The following ASAP1 variants were observed in gnomAD, a reference collection of about 807,000 sequenced individuals.
ASAP1 encodes arf-GAP with SH3 domain, ANK repeat and PH domain-containing protein 1.
A neutral mutation model predicts 145.2 loss-of-function variants in ASAP1; 43 were observed. That is an observed-to-expected ratio of 0.30 (90% CI 0.23 to 0.38). ASAP1 has a LOEUF of 0.38. ASAP1 is among the 10% of genes least tolerant of loss of function. The pLI, the probability that ASAP1 is intolerant of heterozygous loss-of-function variation, is 1.00. For missense variants in ASAP1, 1,018 were observed against 1,355.3 expected (o/e 0.75, Z 3.91); for synonymous variants, 546 against 515.5 (o/e 1.06, Z -0.80).
At chr8:130,061,663 G>C (rs987016080) in intron 27 of ASAP1, among the ~76,000 whole-genome samples, 1 of 152,006 alleles carries the variant, frequency 6.6e-6, no homozygotes, top group African/African-American at 2.4e-5. Flanking sequence ...CCCCTGTCTC[G>C]GGTTAACCTC....
At chr8:130,347,373 G>T (rs1825758261) in intron 3 of ASAP1, among the ~76,000 whole-genome samples, 2 of 152,212 alleles carry the variant, frequency 1.3e-5, no homozygotes, top group African/African-American at 4.8e-5. Context: ...GCAGAGGGAA[G>T]GGCAGAGAAA....
intron 3 of ASAP1, among the ~76,000 whole-genome samples, chr8:130,314,809 T>C (rs1441806979): frequency 1.3e-5 from 2 of 152,246 alleles, no homozygotes; most frequent in African/African-American, 4.8e-5. Flanking sequence ...GGTCGGGATG[T>C]GCAGACAACT....
intron 11 of ASAP1, among the ~76,000 whole-genome samples, chr8:130,161,928 GTA>G (rs2097670000): frequency 6.6e-6 from 1 of 152,144 alleles, no homozygotes; most frequent in Non-Finnish European, 1.5e-5. Flanking sequence ...AGCCTTCTGA[GTA>G]GCTGGGACTA....
chr8:130,420,668 C>T lies in ASAP1; in HGVS notation c.-27-18698G>A, dbSNP rs542311345. On this transcript the variant is annotated intron_variant, in intron 1 of 29. Transcript: ENST00000518721. ...CAGCACTGTGGGAGGCCGAGGCAGA[C>T]GGATCACCTGAGGTCAGGAGTTCGA... 6.0e-4 allele frequency among the ~76,000 whole-genome samples: 91 copies of T among 152,034 alleles called. 3 individuals carry two copies. In the East Asian group the frequency reaches 0.015, roughly 25 times the overall value.
intron 14 of ASAP1, 58 bp from the exon 15 acceptor site, chr8:130,134,402 A>G (rs540038857): frequency 1.8e-6 from 2 of 1,136,034 alleles, no homozygotes; most frequent in South Asian, 3.2e-5. Context: ...ACTTTCAGGT[A>G]CAACACAGAT....
chr8:130,264,722 T>A (rs551907172), intron 3 of ASAP1, among the ~76,000 whole-genome samples: 1 of 152,146 alleles, frequency 6.6e-6, no homozygotes, highest in Non-Finnish European at 1.5e-5. Context: ...AATATGAACA[T>A]GAGAAAGGGT....
chr8:130,413,490 A>G (rs1829350719), intron 1 of ASAP1, among the ~76,000 whole-genome samples: 1 of 152,234 alleles, frequency 6.6e-6, no homozygotes, highest in Admixed American at 6.5e-5. Context: ...CAACACTGCT[A>G]TGATATCAAT....
intron 2 of ASAP1, among the ~76,000 whole-genome samples, chr8:130,396,473 T>A (rs1828536372): frequency 1.3e-5 from 2 of 152,222 alleles, no homozygotes; most frequent in South Asian, 4.1e-4. Flanking sequence ...TTAACTGAAG[T>A]ATAGTCAATG....
At chr8:130,066,269 G>A (rs558909985) in intron 27 of ASAP1, among the ~76,000 whole-genome samples, 9 of 152,212 alleles carry the variant, frequency 5.9e-5, no homozygotes, top group Non-Finnish European at 8.8e-5. Flanking sequence ...TAGGGGCAGA[G>A]CCAATCACCC....
At chr8:130,190,735 C>T (rs1815080194) in intron 5 of ASAP1, among the ~76,000 whole-genome samples, 1 of 152,150 alleles carries the variant, frequency 6.6e-6, no homozygotes, top group African/African-American at 2.4e-5. Context: ...TCATGCTGGT[C>T]TCAAACTCCT....
chr8:130,358,650 C>G lies in ASAP1; in HGVS notation c.60-507G>C, dbSNP rs1179792149. 6.8e-6 allele frequency among the ~76,000 whole-genome samples: 1 copy of G among 146,868 alleles called. No homozygotes were observed. The highest frequency in any genetic ancestry group is 2.0e-4 in the East Asian group (1 of 5,048). ...GCGGGCGGCGCTCGCGCTGCAGTCA[C>G]GGGGCCAAACAAGGAAGTGCTCTGC... On this transcript the variant is annotated intron_variant, in intron 2 of 29. Coordinates refer to ENST00000518721, the MANE Select transcript of ASAP1 (RefSeq NM_018482.4). This position sits in a 1 kb window ranked among gnomAD's most constrained non-coding sequence, Gnocchi z 4.1.
chr8:130,087,600 G>C (rs1163675380), intron 25 of ASAP1, among the ~76,000 whole-genome samples: 2 of 152,178 alleles, frequency 1.3e-5, no homozygotes, highest in Admixed American at 1.3e-4. Context: ...GAGGGGTCAT[G>C]GGAGTGATGC....
At chr8:130,150,204 A>C (rs2097642789) in intron 13 of ASAP1, among the ~76,000 whole-genome samples, 1 of 152,216 alleles carries the variant, frequency 6.6e-6, no homozygotes, top group African/African-American at 2.4e-5. Context: ...GCCACAGTCC[A>C]TTATCTTAGC....
At chr8:130,202,868 T>C (rs1455689976) in intron 5 of ASAP1, among the ~76,000 whole-genome samples, 2 of 152,286 alleles carry the variant, frequency 1.3e-5, no homozygotes, top group African/African-American at 2.4e-5. Context: ...AATATGTCAA[T>C]GAAAAGATCC....
At chr8:130,344,766 A>C (rs1268536224) in intron 3 of ASAP1, among the ~76,000 whole-genome samples, 1 of 152,060 alleles carries the variant, frequency 6.6e-6, no homozygotes, top group Non-Finnish European at 1.5e-5. Context: ...AACAAACAAA[A>C]AACAACAAAG....
chr8:130,374,520 G>A lies in ASAP1; in HGVS notation c.60-16377C>T, dbSNP rs184251557. On this transcript the variant is annotated intron_variant, in intron 2 of 29. Coordinates refer to ENST00000518721, the MANE Select transcript of ASAP1 (RefSeq NM_018482.4). ...GCCTGTAATCCCAGCACTTTGGGAG[G>A]CCGAGGCATTTAGTTAGGGTCAAGC... is the stretch of plus-strand genomic sequence containing the variant. Among the ~76,000 whole-genome samples, 373 of 152,348 alleles carry A rather than the reference G, an allele frequency of 2.4e-3. 1 individual carries two copies. Among genetic ancestry groups the A allele is most frequent in the Middle Eastern group, 6.8e-3 (2 of 294 alleles).
intron 5 of ASAP1, 137 bp from the exon 6 acceptor site, chr8:130,188,320 C>T (rs1481038607): frequency 1.5e-6 from 1 of 683,050 alleles, no homozygotes; most frequent in East Asian, 2.6e-5. Flanking sequence ...TTCATTGAAC[C>T]TACATGACAC....
chr8:130,322,544 A>C (rs572070796), intron 3 of ASAP1, among the ~76,000 whole-genome samples: 2 of 152,328 alleles, frequency 1.3e-5, no homozygotes, highest in African/African-American at 4.8e-5. Context: ...TAAATACAGA[A>C]CTGGGGACTA....
chr8:130,220,519 T>G (rs1177488259), intron 4 of ASAP1, among the ~76,000 whole-genome samples: 1 of 152,080 alleles, frequency 6.6e-6, no homozygotes, highest in African/African-American at 2.4e-5. Context: ...GCATAACAAT[T>G]ATTTTGAGCT....
Sources: allele counts gnomAD v4.1 joint callset (sites outside exome capture counted in the v4.1 genomes callset), GRCh38; gene constraint gnomAD v4.1.1; non-coding constraint Gnocchi (gnomAD v3.1); transcripts MANE v1.5; gene names NCBI Gene and HGNC (gene_info 2026-07-23, HGNC 2026-07-21).